CYSLTR1: variants seen among roughly 807,000 people sequenced by gnomAD.
CYSLTR1 encodes the protein G-protein coupled receptor HG55.
A neutral mutation model predicts 2.1 loss-of-function variants in CYSLTR1; 1 was observed. That is an observed-to-expected ratio of 0.48 (90% CI 0.17 to 2.28). The LOEUF is 2.28. CYSLTR1 is among the 30% of genes most tolerant of loss of function. The pLI, the probability that CYSLTR1 is intolerant of heterozygous loss-of-function variation, is 0.26. For synonymous variants in CYSLTR1, 110 were observed against 89.6 expected, an observed-to-expected ratio of 1.23 and a Z score of -1.28; for missense variants, 299 against 250.1, an observed-to-expected ratio of 1.20 and a Z score of -1.32.
chrX:78,314,044 T>C (rs1306507354), intron 1 of CYSLTR1, among the ~76,000 whole-genome samples: 1 of 111,502 alleles, frequency 9.0e-6, no homozygotes, highest in African/African-American at 3.3e-5. Flanking sequence ...GCAGCACACT[T>C]TTGATGAGAA....
At chrX:78,293,941 G>A (rs1008008473) in intron 1 of CYSLTR1, among the ~76,000 whole-genome samples, 3 of 111,570 alleles carry the variant, frequency 2.7e-5, no homozygotes, top group East Asian at 2.8e-4. Flanking sequence ...CCTTTAGCTC[G>A]GAGAAGTTTG....
At chrX:78,287,872 T>A (rs758765850) in intron 1 of CYSLTR1, among the ~76,000 whole-genome samples, 134 of 111,316 alleles carry the variant, frequency 1.2e-3, no homozygotes, top group African/African-American at 4.3e-3. Context: ...TGATGATGGT[T>A]TCATAAGTAT....
chrX:78,292,588 A>G (rs1301970612), intron 1 of CYSLTR1, among the ~76,000 whole-genome samples: 1 of 111,053 alleles, frequency 9.0e-6, no homozygotes, highest in African/African-American at 3.3e-5. Flanking sequence ...TCCCATTATT[A>G]TTGTGTGGCA....
At chrX:78,277,885 G>C (rs1176188164) in intron 2 of CYSLTR1, among the ~76,000 whole-genome samples, 1 of 111,665 alleles carries the variant, frequency 9.0e-6, no homozygotes, top group African/African-American at 3.3e-5. Flanking sequence ...ATTGCCAAAT[G>C]ACCACACTAG....
intron 1 of CYSLTR1, among the ~76,000 whole-genome samples, chrX:78,307,964 A>G (rs926424158): frequency 9.0e-6 from 1 of 111,091 alleles, no homozygotes; most frequent in Non-Finnish European, 1.9e-5. Flanking sequence ...TGAGGTTTCT[A>G]TGCCAAAGTA....
At chrX:78,324,400 G>A (rs931416474) in intron 1 of CYSLTR1, among the ~76,000 whole-genome samples, 3 of 112,128 alleles carry the variant, frequency 2.7e-5, no homozygotes, top group African/African-American at 9.7e-5. Flanking sequence ...ACGGAGTCTC[G>A]CTTTGTCGCC....
intron 1 of CYSLTR1, among the ~76,000 whole-genome samples, chrX:78,296,096 C>T (rs992549488): frequency 1.3e-4 from 14 of 111,523 alleles, no homozygotes; most frequent in African/African-American, 4.2e-4. Context: ...ATGGGGGTCA[C>T]ATTTTATTCT....
intron 2 of CYSLTR1, among the ~76,000 whole-genome samples, chrX:78,277,435 C>G (rs905457805): frequency 3.6e-5 from 4 of 111,895 alleles, no homozygotes; most frequent in Non-Finnish European, 7.5e-5. Context: ...CCTGCAGCCT[C>G]TCCCCACCAC....
rs1922710383 is a variant in CYSLTR1 at position 78,299,217 on chromosome X, G to T, written c.-114-15677C>A. Among the ~76,000 whole-genome samples the T allele has an allele frequency of 5.4e-5, 6 of 111,658 alleles. No homozygotes were observed. The Admixed American group carries it at 5.7e-4, about 11-fold the overall frequency. On this transcript the variant is annotated intron_variant, in intron 1 of 2. Transcript: ENST00000373304. ...ACAACTTTTTAACATTTTGTTGTTT[G>T]TATTCATATCTTATTGTACAAAATA... is the stretch of plus-strand genomic sequence containing the variant.
At chrX:78,304,263 G>A (rs1359997674) in intron 1 of CYSLTR1, among the ~76,000 whole-genome samples, 1 of 111,844 alleles carries the variant, frequency 8.9e-6, no homozygotes, top group Non-Finnish European at 1.9e-5. Context: ...TACAAGTTAT[G>A]CCATCTCTGG....
At chrX:78,278,930 C>G (rs1487862456) in intron 2 of CYSLTR1, among the ~76,000 whole-genome samples, 2 of 112,276 alleles carry the variant, frequency 1.8e-5, no homozygotes, top group African/African-American at 6.5e-5. Context: ...AATCTGGACC[C>G]CATCCTTTCA....
chrX:78,276,343 A>G (rs765956040), intron 2 of CYSLTR1, among the ~76,000 whole-genome samples: 83 of 111,643 alleles, frequency 7.4e-4, no homozygotes, highest in African/African-American at 2.7e-3. Flanking sequence ...AACATATCAG[A>G]TAATCTTTGA....
chrX:78,309,552 GAA>G (rs1046994606), intron 1 of CYSLTR1, among the ~76,000 whole-genome samples: 1 of 111,572 alleles, frequency 9.0e-6, no homozygotes, highest in Non-Finnish European at 1.9e-5. Context: ...TGAATAATAT[GAA>G]AAGAGATGAC....
At chrX:78,291,106 C>T (rs1323005823) in intron 1 of CYSLTR1, among the ~76,000 whole-genome samples, 1 of 111,526 alleles carries the variant, frequency 9.0e-6, no homozygotes, top group Non-Finnish European at 1.9e-5. Flanking sequence ...TCATAAATAG[C>T]TCTTATTATT....
At chrX:78,309,944 T>C (rs1337351578) in intron 1 of CYSLTR1, among the ~76,000 whole-genome samples, 1 of 112,358 alleles carries the variant, frequency 8.9e-6, no homozygotes, top group Non-Finnish European at 1.9e-5. Context: ...GACAGTTAAA[T>C]ATACTGTTGT....
At chrX:78,311,093 G>A (rs986757026) in intron 1 of CYSLTR1, among the ~76,000 whole-genome samples, 4 of 110,949 alleles carry the variant, frequency 3.6e-5, no homozygotes, top group African/African-American at 1.3e-4. Flanking sequence ...AGGAAGTAGA[G>A]CTGTAAATAT....
intron 1 of CYSLTR1, among the ~76,000 whole-genome samples, chrX:78,326,482 A>G (rs1923864761): frequency 8.9e-6 from 1 of 112,288 alleles, no homozygotes; most frequent in Admixed American, 9.4e-5. Context: ...AATACTGGAA[A>G]GCAGAACCAC....
intron 1 of CYSLTR1, among the ~76,000 whole-genome samples, chrX:78,316,043 C>T (rs182178219): frequency 3.9e-4 from 44 of 112,243 alleles, no homozygotes; most frequent in Non-Finnish European, 3.2e-4. Context: ...AGGTGGTTCA[C>T]GATGGAGAGA....
At chrX:78,294,668 T>G (rs1922500687) in intron 1 of CYSLTR1, among the ~76,000 whole-genome samples, 1 of 112,695 alleles carries the variant, frequency 8.9e-6, no homozygotes, top group Non-Finnish European at 1.9e-5. Context: ...TTTGTTTACC[T>G]ACTCATGCCT....
Sources: gnomAD v4.1 joint callset for allele counts (sites outside exome capture counted in the v4.1 genomes callset) on GRCh38, gnomAD v4.1.1 for gene constraint, MANE v1.5 for transcripts, NCBI Gene and HGNC (gene_info 2026-07-23, HGNC 2026-07-21) for gene names.